Variants in LARP4 observed in about 807,000 individuals in gnomAD.
LARP4 encodes the protein La ribonucleoprotein 4.
Under a neutral mutation model 92.9 loss-of-function variants are expected in LARP4, and 29 were observed. That is an observed-to-expected ratio of 0.31 (90% confidence interval 0.23 to 0.43). LARP4 has a LOEUF of 0.43. LARP4 is among the 20% of genes least tolerant of loss of function. The probability of loss-of-function intolerance (pLI) is 1.00; values close to 1 mark genes in which losing one functional copy is unlikely to be tolerated. For synonymous variants in LARP4, 279 were observed against 284.1 expected, an observed-to-expected ratio of 0.98 and a Z score of 0.18; for missense variants, 732 against 860.0, an observed-to-expected ratio of 0.85 and a Z score of 1.86.
chr12:50,410,408 CTTTT>C lies in LARP4; in HGVS notation c.18+9394_18+9397del, dbSNP rs200457985. On this transcript the variant is annotated intron_variant, in intron 1 of 15. Transcript: ENST00000398473. ...CGTCTATTAATACAGGATTCTTTAT[CTTTT>C]TTTTTTTTTTTTTGAGATGGAATCT... Among the ~76,000 whole-genome samples the C allele has an allele frequency of 4.9e-4, 65 of 132,966 alleles. No individual in the cohort carries two copies. In the South Asian group the frequency reaches 0.015, roughly 31 times the overall value. The allele number at this position is 132,966 out of a possible 152,430, so 87.2% of individuals were successfully genotyped here. A position where few individuals can be genotyped will look rare whatever the true frequency, so the allele number is the denominator to read the frequency against.
intron 1 of LARP4, among the ~76,000 whole-genome samples, chr12:50,425,256 A>G (rs1347071755): frequency 6.6e-6 from 1 of 152,188 alleles, no homozygotes. Context: ...TAATAGGTGT[A>G]TGGCCCTTTC....
At chr12:50,402,856 A>G (rs1343619082) in intron 1 of LARP4, 1 of 450,942 alleles carries the variant, frequency 2.2e-6, no homozygotes, top group South Asian at 1.6e-5. Flanking sequence ...CTAGTGTTTA[A>G]AAGTTGTATC....
intron 1 of LARP4, among the ~76,000 whole-genome samples, chr12:50,419,147 G>C (rs974542910): frequency 6.6e-6 from 1 of 151,998 alleles, no homozygotes; most frequent in African/African-American, 2.4e-5. Flanking sequence ...GATCACTGGA[G>C]CCCAGGCATT....
chr12:50,454,324 C>T lies in LARP4; in HGVS notation c.1028C>T (p.Pro343Leu). ...PYFETPLAPF[P>L]NGSFVNGFNS... is the part of the protein sequence containing the mutation. The stretch of plus-strand genomic sequence containing the variant: ...TACATTTTTTTCTAGGCTCCCTTTC[C>T]CAATGGTAGTTTTGTGAATGGCTTT... Residue 343 changes from proline to leucine, a missense_variant, in exon 10 of 16, where the codon CCC becomes CTC. This residue lies in a region of LARP4 where 264 missense variants were observed against 269.5 expected (regional missense o/e 0.98). Transcript: ENST00000398473. 6.2e-7 allele frequency: 1 copy of T among 1,611,530 alleles called. No homozygotes were observed. The highest frequency in any genetic ancestry group is 8.5e-7 in the Non-Finnish European group (1 of 1,178,896).
chr12:50,440,630 G>A (rs1463125956), intron 7 of LARP4, 81 bp downstream of exon 7: 2 of 928,394 alleles, frequency 2.2e-6, no homozygotes, highest in Non-Finnish European at 3.5e-6. Flanking sequence ...GAAAATGTGT[G>A]TTTACACTGA....
chr12:50,410,805 C>T (rs1227495211), intron 1 of LARP4, among the ~76,000 whole-genome samples: 1 of 152,050 alleles, frequency 6.6e-6, no homozygotes, highest in East Asian at 1.9e-4. Flanking sequence ...ATTCGTGACC[C>T]CCAAAAGGTT....
At chr12:50,445,306 T>A (rs1196598424) in intron 8 of LARP4, among the ~76,000 whole-genome samples, 1 of 152,356 alleles carries the variant, frequency 6.6e-6, no homozygotes, top group East Asian at 1.9e-4. Flanking sequence ...TCTGATGAGA[T>A]GTTCACCATC....
intron 10 of LARP4, among the ~76,000 whole-genome samples, chr12:50,460,196 G>A (rs1955121749): frequency 6.6e-6 from 1 of 152,002 alleles, no homozygotes; most frequent in Non-Finnish European, 1.5e-5. Flanking sequence ...TTAAAACCTG[G>A]CTGATTTAAA....
intron 1 of LARP4, among the ~76,000 whole-genome samples, chr12:50,414,325 A>G (rs1240740864): frequency 6.6e-6 from 1 of 151,976 alleles, no homozygotes; most frequent in Non-Finnish European, 1.5e-5. Context: ...TTCTGTTGAG[A>G]CGGGGTCTTG....
intron 1 of LARP4, among the ~76,000 whole-genome samples, chr12:50,404,681 G>GTTTTTTTTT (rs1162590362): frequency 1.5e-5 from 1 of 67,354 alleles, no homozygotes; most frequent in Non-Finnish European, 3.1e-5. Flanking sequence ...GGTTCAAGCA[G>GTTTTTTTTT]TTTTTTTTTT....
At chr12:50,473,789 CG>C (rs1370040568) in intron 14 of LARP4, among the ~76,000 whole-genome samples, 1 of 9,366 alleles carries the variant, frequency 1.1e-4, no homozygotes, top group Non-Finnish European at 2.5e-4. Flanking sequence ...TTGCTTGAAC[CG>C]GGGGGTGGGG....
At chr12:50,452,660 C>G (rs776499372) in intron 8 of LARP4, among the ~76,000 whole-genome samples, 2 of 152,140 alleles carry the variant, frequency 1.3e-5, no homozygotes, top group Non-Finnish European at 2.9e-5. Context: ...TTTCAACTTA[C>G]ATTTCTTTGA....
Position 50,475,836 on chromosome 12 carries a change from A to C in LARP4, c.2147A>C (p.Gln716Pro). The C allele has an allele frequency of 6.2e-7, 1 of 1,613,916 alleles. No individual in the cohort carries two copies. The highest frequency in any genetic ancestry group is 1.1e-5 in the South Asian group (1 of 91,062). The change falls in exon 16 of 16, where the codon CAA (glutamine) becomes CCA (proline). Residue 716 changes from glutamine (Q) to proline (P), a missense_variant. Physicochemically the swap from Gln to Pro is moderately conservative, Grantham distance 76. Around this residue, in one of 7 missense-constraint regions of LARP4, gnomAD observed 115 missense variants for 129.1 expected, o/e 0.89. Coordinates refer to ENST00000398473, the MANE Select transcript of LARP4 (RefSeq NM_052879.5). ...QGVTRRNGKE[Q>P]YVPPRSPK ...GTGACTCGACGTAATGGCAAAGAGC[A>C]ATATGTGCCACCCAGATCACCAAAG... is the stretch of plus-strand genomic sequence containing the variant.
intron 4 of LARP4, among the ~76,000 whole-genome samples, chr12:50,431,957 G>A (rs1046307537): frequency 2.4e-4 from 37 of 152,162 alleles, no homozygotes; most frequent in Admixed American, 7.2e-4. Context: ...TGGCCAATAT[G>A]GCAAAATCCC....
At chr12:50,429,392 T>C (rs746142715) in intron 3 of LARP4, among the ~76,000 whole-genome samples, 2 of 151,944 alleles carry the variant, frequency 1.3e-5, no homozygotes, top group Non-Finnish European at 2.9e-5. Flanking sequence ...GGCAGATCAC[T>C]TGAGGTCAGG....
chr12:50,461,391 C>T (rs777535411), intron 11 of LARP4, 44 bp downstream of exon 11: 5 of 1,510,268 alleles, frequency 3.3e-6, no homozygotes, highest in Non-Finnish European at 4.6e-6. Context: ...ATAATGTGAT[C>T]ATCCTGAATA....
intron 8 of LARP4, among the ~76,000 whole-genome samples, chr12:50,442,154 G>A (rs1266256755): frequency 6.6e-6 from 1 of 152,148 alleles, no homozygotes; most frequent in South Asian, 2.1e-4. Context: ...TTACAAAGGG[G>A]TAACTTCAAA....
chr12:50,460,401 C>T (rs1040091807), intron 10 of LARP4, among the ~76,000 whole-genome samples: 5 of 152,234 alleles, frequency 3.3e-5, no homozygotes, highest in African/African-American at 4.8e-5. Flanking sequence ...AATCATAGCT[C>T]GCTGCAGCCT....
chr12:50,410,352 T>G (rs1480751075), intron 1 of LARP4, among the ~76,000 whole-genome samples: 1 of 149,736 alleles, frequency 6.7e-6, no homozygotes, highest in Non-Finnish European at 1.5e-5. Flanking sequence ...CGATTACAGG[T>G]GTGAGGAGCC....
Sources: allele counts gnomAD v4.1 joint callset (sites outside exome capture counted in the v4.1 genomes callset), GRCh38; gene constraint gnomAD v4.1.1; regional missense constraint gnomAD v4.1.1; transcripts MANE v1.5; gene names NCBI Gene and HGNC (gene_info 2026-07-23, HGNC 2026-07-21).